The following AVEN variants were observed in gnomAD, a reference collection of about 807,000 sequenced individuals.
AVEN encodes apoptosis and caspase activation inhibitor, also known as cell death regulator Aven.
A neutral mutation model predicts 38.1 loss-of-function variants in AVEN; 41 were observed. The observed-to-expected ratio is 1.08, with a 90% CI of 0.84 to 1.40. AVEN has a LOEUF of 1.40. Ranked by LOEUF, AVEN falls within the 40% of genes most tolerant of loss-of-function variation. The pLI is 0.00. For synonymous variants in AVEN, 206 were observed against 171.8 expected, an observed-to-expected ratio of 1.20 and a Z score of -1.56; for missense variants, 605 against 438.8, an observed-to-expected ratio of 1.38 and a Z score of -3.38.
chr15:33,905,863 C>T (rs1474456641), intron 2 of AVEN, among the ~76,000 whole-genome samples: 4 of 151,566 alleles, frequency 2.6e-5, no homozygotes, highest in African/African-American at 9.7e-5. Context: ...CACTCCCAGA[C>T]ACCCACCCAA....
downstream of AVEN, chr15:33,854,331 T>G (rs1259843177): frequency 1.4e-6 from 2 of 1,414,672 alleles, no homozygotes; most frequent in African/African-American, 2.9e-5. Flanking sequence ...TCCCCCTTAT[T>G]GAGCACTTAA....
At chr15:33,920,126 A>G (rs1376116970) in intron 2 of AVEN, among the ~76,000 whole-genome samples, 1 of 152,218 alleles carries the variant, frequency 6.6e-6, no homozygotes, top group Admixed American at 6.5e-5. Context: ...TTCTTCTTCT[A>G]TATGCAACAG....
At chr15:33,865,398 T>A, downstream of AVEN, 1 of 588,730 alleles carries the variant, frequency 1.7e-6, no homozygotes, top group Non-Finnish European at 3.0e-6. Context: ...TTTTTGTGCC[T>A]AATGGACATA....
chr15:34,019,314 T>C (rs1898104124), intron 1 of AVEN, among the ~76,000 whole-genome samples: 1 of 152,224 alleles, frequency 6.6e-6, no homozygotes, highest in African/African-American at 2.4e-5. Context: ...CTTATAAAGA[T>C]ATATTTTGGT....
At chr15:33,927,385 CAAT>C (rs200678672) in intron 2 of AVEN, among the ~76,000 whole-genome samples, 1,815 of 151,802 alleles carry the variant, frequency 0.012, 31 homozygotes, top group African/African-American at 0.041. Context: ...AATTAATTAC[CAAT>C]AATAATAATA....
chr15:33,943,094 C>G (rs1326380362), intron 2 of AVEN, among the ~76,000 whole-genome samples: 5 of 152,186 alleles, frequency 3.3e-5, no homozygotes, highest in Non-Finnish European at 5.9e-5. Context: ...TATGATCCAG[C>G]AATCCTGCTT....
chr15:33,867,792 C>T lies in AVEN; in HGVS notation c.676G>A (p.Gly226Arg). The change falls in exon 5 of 6, where the codon GGG becomes AGG. Residue 226 changes from glycine to arginine, a missense_variant. Physicochemically the swap from Gly to Arg is moderately radical, Grantham distance 125. Transcript: ENST00000306730. Reference protein sequence around the residue: ...PKRTDDGKGLGMQLKGPLGPG... With the variant: ...PKRTDDGKGLRMQLKGPLGPG... The stretch of plus-strand genomic sequence containing the variant: ...CCCAAGGGCCCCTTTAACTGCATCC[C>T]TAATCCCTTGCCATCATCAGTTCTC... The T allele has an allele frequency of 1.2e-6, 2 of 1,613,390 alleles. No homozygotes were observed. The highest frequency in any genetic ancestry group is 2.2e-5 in the South Asian group (2 of 90,964).
At chr15:33,928,666 G>A (rs1384363974) in intron 2 of AVEN, among the ~76,000 whole-genome samples, 1 of 152,150 alleles carries the variant, frequency 6.6e-6, no homozygotes, top group Non-Finnish European at 1.5e-5. Flanking sequence ...TGACTTGATT[G>A]CCACATGAAC....
At chr15:33,922,503 A>G (rs1893435932) in intron 2 of AVEN, among the ~76,000 whole-genome samples, 1 of 152,124 alleles carries the variant, frequency 6.6e-6, no homozygotes, top group African/African-American at 2.4e-5. Context: ...TGGCATGATC[A>G]TGACTCACTG....
At chr15:33,958,416 C>T (rs1284679343) in intron 2 of AVEN, among the ~76,000 whole-genome samples, 1 of 151,950 alleles carries the variant, frequency 6.6e-6, no homozygotes, top group Admixed American at 6.6e-5. Context: ...CCCATCTCTA[C>T]TAAAAATACA....
rs34918742 is a variant in AVEN at position 34,062,356 on chromosome 15, C to T, written n.1637+566G>A. Among the ~76,000 whole-genome samples the T allele has an allele frequency of 3.0e-3, 450 of 152,132 alleles. 1 individual carries two copies. The highest frequency in any genetic ancestry group is 5.0e-3 in the Non-Finnish European group (343 of 68,004). ...GGATCACGAAGTCAGGAGATCGAGA[C>T]CATCCCGCCTAACACAGTGAAACCC... On this transcript the variant is annotated intron_variant and non_coding_transcript_variant, in intron 5 of 11. Transcript: ENST00000675287.
At chr15:34,032,131 T>G (rs1249545424) in intron 1 of AVEN, among the ~76,000 whole-genome samples, 1 of 152,176 alleles carries the variant, frequency 6.6e-6, no homozygotes, top group Non-Finnish European at 1.5e-5. Flanking sequence ...TAGAAATTAC[T>G]ATGTGTCACT....
chr15:33,894,978 C>T (rs927410213), intron 2 of AVEN, among the ~76,000 whole-genome samples: 2 of 151,582 alleles, frequency 1.3e-5, no homozygotes, highest in Non-Finnish European at 2.9e-5. Flanking sequence ...GGAAATTAAA[C>T]TTTGCACTAC....
At chr15:33,927,226 GC>G (rs1294250971) in intron 2 of AVEN, among the ~76,000 whole-genome samples, 7 of 151,876 alleles carry the variant, frequency 4.6e-5, no homozygotes, top group African/African-American at 1.7e-4. Context: ...CTGCACTCCA[GC>G]CTGGGTGACA....
intron 1 of AVEN, among the ~76,000 whole-genome samples, chr15:34,073,377 C>CTCTTTAA (rs1473663383): frequency 6.6e-6 from 1 of 151,626 alleles, no homozygotes; most frequent in African/African-American, 2.4e-5. Flanking sequence ...TTTTTAAACA[C>CTCTTTAA]ACAGAGCTGT....
intron 5 of AVEN, among the ~76,000 whole-genome samples, chr15:34,050,296 G>A (rs966363551): frequency 6.6e-6 from 1 of 152,142 alleles, no homozygotes; most frequent in Non-Finnish European, 1.5e-5. Context: ...CAAATGCTGA[G>A]GGAATTTGTC....
chr15:33,952,858 G>GAAAA lies in AVEN; in HGVS notation c.445+50170_445+50173dup. Among the ~76,000 whole-genome samples, 3 of 91,718 alleles carry GAAAA rather than the reference G, an allele frequency of 3.3e-5. No homozygotes were observed. In the South Asian group the frequency reaches 9.6e-4, roughly 29 times the overall value. The allele number at this position is 91,718 out of a possible 152,430, so 60.2% of individuals were successfully genotyped here. A position where few individuals can be genotyped will look rare whatever the true frequency, so the allele number is the denominator to read the frequency against. The stretch of plus-strand genomic sequence containing the variant: ...ACCCTTGTCCATAAGAGGCTAAAGA[G>GAAAA]AAAAAAAAAAAAAAACACTTCATTT... On this transcript the variant is annotated intron_variant, in intron 2 of 5. Coordinates refer to ENST00000306730, the MANE Select transcript of AVEN (RefSeq NM_020371.3).
chr15:34,062,774 C>G (rs778087279), intron 5 of AVEN: 1 of 1,614,080 alleles, frequency 6.2e-7, no homozygotes, highest in Non-Finnish European at 8.5e-7. Flanking sequence ...CAGTAAATCA[C>G]CAGCCTTTGG....
chr15:33,975,151 TC>T (rs1162087001), intron 2 of AVEN, among the ~76,000 whole-genome samples: 2 of 152,122 alleles, frequency 1.3e-5, no homozygotes, highest in African/African-American at 4.8e-5. Context: ...TCTCACCCCA[TC>T]TCTTCTACAC....
Sources: allele counts gnomAD v4.1 joint callset (sites outside exome capture counted in the v4.1 genomes callset), GRCh38; gene constraint gnomAD v4.1.1; transcripts MANE v1.5; gene names NCBI Gene and HGNC (gene_info 2026-07-23, HGNC 2026-07-21).